FBXO46: variants seen among roughly 807,000 people sequenced by gnomAD.
The protein encoded by FBXO46 is F-box only protein 46.
FBXO46 carries 13 observed loss-of-function variants against 30.7 expected under a neutral mutation model. The ratio of observed to expected loss-of-function variants is 0.42; its 90% CI spans 0.28 to 0.67. The LOEUF (loss-of-function observed/expected upper bound fraction) is 0.67. Ranked by LOEUF, FBXO46 falls within the 30% of genes least tolerant of loss-of-function variation. The pLI is 0.21. For missense variants in FBXO46, 754 were observed against 871.5 expected, an observed-to-expected ratio of 0.87 and a Z score of 1.70; for synonymous variants, 467 against 385.8, an observed-to-expected ratio of 1.21 and a Z score of -2.47.
At chr19:45,724,742 C>T (rs1968216326) in intron 1 of FBXO46, among the ~76,000 whole-genome samples, 2 of 152,186 alleles carry the variant, frequency 1.3e-5, no homozygotes, top group Non-Finnish European at 2.9e-5. Context: ...CAACCTCCGC[C>T]TCCTGGGGTT....
Position 45,713,369 on chromosome 19 carries a change from C to A in FBXO46, c.127G>T (p.Gly43Trp). The A allele has an allele frequency of 6.2e-7, 1 of 1,612,198 alleles. No individual in the cohort carries two copies. Among genetic ancestry groups the A allele is most frequent in the Non-Finnish European group, 8.5e-7 (1 of 1,178,986 alleles). ...GCAGGCCCATGGTCTGGCTCGGCCC[C>A]GCCACCAGGCTCAGGGCAGGCTGAT... ...KPSACPEPGG[G>W]AEPDHGPAHS... The change falls in exon 2 of 2, where the codon GGG becomes TGG. Residue 43 changes from glycine to tryptophan, a missense_variant. By Grantham distance (184) the Gly-to-Trp change is radical (BLOSUM62 -2). Coordinates refer to ENST00000317683, the MANE Select transcript of FBXO46 (RefSeq NM_001080469.2). The surrounding 1 kb of genome is among the most constrained non-coding windows in gnomAD (Gnocchi z 4.7).
chr19:45,712,165 G>C lies in FBXO46; in HGVS notation c.1331C>G (p.Ser444Cys), dbSNP rs774474152. 6.3e-7 allele frequency: 1 copy of C among 1,598,344 alleles called. No homozygotes were observed. Among genetic ancestry groups the C allele is most frequent in the East Asian group, 2.3e-5 (1 of 44,174 alleles). Residue 444 changes from serine (S) to cysteine (C), a missense_variant, in exon 2 of 2, where the codon TCC becomes TGC. Ser to Cys is a moderately radical substitution (Grantham distance 112). Transcript: ENST00000317683. This position sits in a 1 kb window ranked among gnomAD's most constrained non-coding sequence, Gnocchi z 8.8. ...CACGTGCCGGTACAAGCGGCACAGG[G>C]AGGTGTCCGCCGTGCCCTCGGCATC... ...PDDAEGTADT[S>C]LCRLYRHVSH...
intron 1 of FBXO46, among the ~76,000 whole-genome samples, chr19:45,718,437 C>T (rs1401558347): frequency 6.6e-6 from 1 of 152,066 alleles, no homozygotes; most frequent in African/African-American, 2.4e-5. Context: ...ACCCCCAATC[C>T]CCCTAGGCCA....
At chr19:45,728,054 A>G (rs1389320626) in intron 1 of FBXO46, among the ~76,000 whole-genome samples, 2 of 152,162 alleles carry the variant, frequency 1.3e-5, no homozygotes, top group African/African-American at 4.8e-5. Context: ...CTCCTGCCTC[A>G]GGCTCCTGAG....
intron 1 of FBXO46, among the ~76,000 whole-genome samples, chr19:45,729,447 A>T (rs532970130): frequency 5.3e-4 from 81 of 152,226 alleles, no homozygotes; most frequent in Non-Finnish European, 1.0e-3. Context: ...AAAATAAATA[A>T]AAGACTTGCC....
chr19:45,732,780 G>A (rs528161521), upstream of FBXO46, among the ~76,000 whole-genome samples: 74 of 151,644 alleles, frequency 4.9e-4, no homozygotes, highest in Non-Finnish European at 8.8e-4. Flanking sequence ...TAGCCGAGAC[G>A]GGGTTTCACC....
At chr19:45,719,077 C>T (rs1968138025) in intron 1 of FBXO46, among the ~76,000 whole-genome samples, 1 of 151,768 alleles carries the variant, frequency 6.6e-6, no homozygotes, top group African/African-American at 2.4e-5. Flanking sequence ...GGTGAAACCC[C>T]ATCACTACAA....
chr19:45,728,763 G>T (rs1409591774), intron 1 of FBXO46, among the ~76,000 whole-genome samples: 2 of 152,154 alleles, frequency 1.3e-5, no homozygotes, highest in African/African-American at 2.4e-5. Context: ...CTGAGCCCAG[G>T]AGGTTGAGGC....
At chr19:45,719,912 T>A (rs908120407) in intron 1 of FBXO46, among the ~76,000 whole-genome samples, 1 of 152,216 alleles carries the variant, frequency 6.6e-6, no homozygotes, top group African/African-American at 2.4e-5. Flanking sequence ...ATTTTTAATT[T>A]CGTGTTGAAG....
upstream of FBXO46, among the ~76,000 whole-genome samples, chr19:45,731,818 C>T (rs1968318774): frequency 6.6e-6 from 1 of 151,606 alleles, no homozygotes; most frequent in South Asian, 2.1e-4. Flanking sequence ...GACCCTGCTG[C>T]CTCTTAAAAT....
At position 45,712,969 on chromosome 19, in the gene FBXO46, A is replaced by T; in HGVS notation, c.527T>A (p.Val176Glu). The change falls in exon 2 of 2, where the codon GTG becomes GAG. Residue 176 changes from valine to glutamate, a missense_variant. Val to Glu is a moderately radical substitution (Grantham distance 121). Around this residue, in one of 5 missense-constraint regions of FBXO46, gnomAD observed 454 missense variants for 426.5 expected, o/e 1.06. Coordinates refer to ENST00000317683, the MANE Select transcript of FBXO46 (RefSeq NM_001080469.2). This position sits in a 1 kb window ranked among gnomAD's most constrained non-coding sequence, Gnocchi z 8.8. Reference protein sequence around the residue: ...DVDLLSVAEMVALVEQRAALA... With the variant: ...DVDLLSVAEMEALVEQRAALA... The stretch of plus-strand genomic sequence containing the variant: ...GGCTGCCCGCTGTTCCACCAGGGCC[A>T]CCATCTCGGCCACAGAGAGCAGGTC... The T allele has an allele frequency of 6.3e-7, 1 of 1,580,650 alleles. No homozygotes were observed. The highest frequency in any genetic ancestry group is 8.6e-7 in the Non-Finnish European group (1 of 1,162,602).
rs35591142 is a variant in FBXO46 at position 45,711,150 on chromosome 19, T to TA, written c.*533dup. ...CAAACCATCTAGAAATGGACTGTCATAAAAAAATGCCAGATCCCACCTGTG... is the reference window on the plus strand; with the variant it reads ...CAAACCATCTAGAAATGGACTGTCATAAAAAAAATGCCAGATCCCACCTGTG... On this transcript the variant is annotated 3_prime_UTR_variant, in exon 2 of 2. Transcript: ENST00000317683. 639 of 401,006 alleles carry TA rather than the reference T, an allele frequency of 1.6e-3. 5 individuals are homozygous for TA. The highest frequency in any genetic ancestry group is 8.9e-3 in the African/African-American group (415 of 46,792). 24.8% of individuals were successfully genotyped at this position (401,006 alleles called of 1,614,324 possible).
At position 45,713,709 on chromosome 19, in the gene FBXO46, T is replaced by G; in HGVS notation, c.-78-136A>C. 2.1e-6 allele frequency: 1 copy of G among 479,852 alleles called. No homozygotes were observed. Among genetic ancestry groups the G allele is most frequent in the South Asian group, 3.6e-5 (1 of 27,474 alleles). 29.7% of individuals were successfully genotyped at this position (479,852 alleles called of 1,614,324 possible). A position where few individuals can be genotyped will look rare whatever the true frequency, so the allele number is the denominator to read the frequency against. ...CTGGCTGGGCGCGGTGGCTCACGCC[T>G]GTAATCCCAGCACTTTGGGAGGCTG... On this transcript the variant is annotated intron_variant, in intron 1 of 1. Coordinates refer to ENST00000317683, the MANE Select transcript of FBXO46 (RefSeq NM_001080469.2). This position sits in a 1 kb window ranked among gnomAD's most constrained non-coding sequence, Gnocchi z 4.7.
Position 45,713,329 on chromosome 19 carries a change from G to A in FBXO46, c.167C>T (p.Thr56Ile). Residue 56 changes from threonine (T) to isoleucine (I), a missense_variant, in exon 2 of 2, where the codon ACA becomes ATA. Physicochemically the swap from Thr to Ile is moderately conservative, Grantham distance 89. Coordinates refer to ENST00000317683, the MANE Select transcript of FBXO46 (RefSeq NM_001080469.2). This position sits in a 1 kb window ranked among gnomAD's most constrained non-coding sequence, Gnocchi z 4.7. ...PDHGPAHSEN[T>I]PPALATEVPA... Reference sequence around the variant, plus strand: ...GACCTCAGTGGCCAAGGCGGGTGGTGTGTTCTCTGAGTGGGCAGGCCCATG... The same window carrying A: ...GACCTCAGTGGCCAAGGCGGGTGGTATGTTCTCTGAGTGGGCAGGCCCATG... The A allele has an allele frequency of 1.9e-6, 3 of 1,613,328 alleles. No individual in the cohort carries two copies. The highest frequency in any genetic ancestry group is 2.5e-6 in the Non-Finnish European group (3 of 1,179,668).
chr19:45,720,480 G>A (rs1366394114), intron 1 of FBXO46, among the ~76,000 whole-genome samples: 1 of 151,912 alleles, frequency 6.6e-6, no homozygotes, highest in African/African-American at 2.4e-5. Flanking sequence ...TGTTGATCAG[G>A]CTGGTCTTGA....
rs182457865 is a variant in FBXO46, at chr19:45,722,969, G to A, written c.-79+7880C>T. On this transcript the variant is annotated intron_variant, in intron 1 of 1. Transcript: ENST00000317683. Reference sequence around the variant, plus strand: ...CTCGGGAGGCAAAGGCAGGAGAATCGCTTGAACCTGGGAGGTGGAGGTTGC... The same window carrying A: ...CTCGGGAGGCAAAGGCAGGAGAATCACTTGAACCTGGGAGGTGGAGGTTGC... Among the ~76,000 whole-genome samples the A allele has an allele frequency of 2.3e-4, 35 of 152,214 alleles. 1 individual carries two copies. The highest frequency in any genetic ancestry group is 6.7e-4 in the African/African-American group (28 of 41,532).
rs751530015 is a variant in FBXO46 at position 45,711,920 on chromosome 19, G to A, written c.1576C>T (p.Arg526Cys). 6 of 1,613,560 alleles carry A rather than the reference G, an allele frequency of 3.7e-6. No individual in the cohort carries two copies. The highest frequency in any genetic ancestry group is 5.1e-6 in the Non-Finnish European group (6 of 1,179,810). ...CGGCACTGTTTGCACGGATCATCGCGGTAGAGCGGGTCTCGGCTCCAGCGC... is the reference window on the plus strand; with the variant it reads ...CGGCACTGTTTGCACGGATCATCGCAGTAGAGCGGGTCTCGGCTCCAGCGC... ...DSRWSRDPLYRDDPCKQCRKR... is the reference protein window; with the variant it reads ...DSRWSRDPLYCDDPCKQCRKR... Residue 526 changes from arginine (R) to cysteine (C), a missense_variant, in exon 2 of 2, where the codon CGC (arginine) becomes TGC (cysteine). Arg to Cys is a radical substitution (Grantham distance 180). Coordinates refer to ENST00000317683, the MANE Select transcript of FBXO46 (RefSeq NM_001080469.2).
upstream of FBXO46, among the ~76,000 whole-genome samples, chr19:45,731,708 T>G (rs558278637): frequency 1.3e-5 from 2 of 151,892 alleles, no homozygotes; most frequent in Non-Finnish European, 2.9e-5. Context: ...GTCCACATCA[T>G]AGAATAGCAG....
At chr19:45,717,307 G>C (rs1031532515) in intron 1 of FBXO46, 1 of 152,082 alleles carries the variant, frequency 6.6e-6, no homozygotes, top group Non-Finnish European at 1.5e-5. Context: ...CAGCCCACAC[G>C]CATGCGCGCG....
Sources: gnomAD v4.1 joint callset for allele counts (sites outside exome capture counted in the v4.1 genomes callset) on GRCh38, gnomAD v4.1.1 for gene constraint, gnomAD v4.1.1 regional missense constraint, Gnocchi (gnomAD v3.1) non-coding constraint, MANE v1.5 for transcripts, NCBI Gene and HGNC (gene_info 2026-07-23, HGNC 2026-07-21) for gene names.